The following TMEM132E variants were observed in gnomAD, a reference collection of about 807,000 sequenced individuals.
TMEM132E encodes transmembrane protein 132E.
TMEM132E carries 49 observed loss-of-function variants against 78.5 expected under a neutral mutation model. That is an observed-to-expected ratio of 0.62 (90% confidence interval 0.50 to 0.79). TMEM132E has a LOEUF of 0.79. Ranked by LOEUF, TMEM132E falls within the 30% of genes least tolerant of loss-of-function variation. The pLI, the probability that TMEM132E is intolerant of heterozygous loss-of-function variation, is 0.00. For missense variants in TMEM132E, 1,403 were observed against 1,470.9 expected (o/e 0.95, Z 0.75); for synonymous variants, 715 against 670.6 (o/e 1.07, Z -1.02).
In TMEM132E at chr17:34,637,936, A is replaced by T; in HGVS notation, c.2929A>T (p.Thr977Ser). 1.2e-6 allele frequency: 2 copies of T among 1,606,274 alleles called. No individual in the cohort carries two copies. Among genetic ancestry groups the T allele is most frequent in the Non-Finnish European group, 8.5e-7 (1 of 1,178,170 alleles). The change falls in exon 9 of 9, where the codon ACC (threonine) becomes TCC (serine). Residue 977 changes from threonine (T) to serine (S), a missense_variant. This residue lies in a region of TMEM132E where 888 missense variants were observed against 952.8 expected (regional missense o/e 0.93). Coordinates refer to ENST00000631683, the MANE Select transcript of TMEM132E (RefSeq NM_001304438.2). ...CCACCACAGCAGCGGCAGCTCGCAG[A>T]CCAGCGTCCAGAGCCAGGTGCACGG... The part of the protein sequence containing the change: ...GDHHSSGSSQ[T>S]SVQSQVHGRG...
At position 34,626,365 on chromosome 17, in the gene TMEM132E, G is replaced by T; in HGVS notation, c.306G>T (p.Val102=). ...TGGGGCCCTTCAGCACCAGCCAGGTGGTGGCGCGGGAGCTCCTGCAGCCGT... is the reference window on the plus strand; with the variant it reads ...TGGGGCCCTTCAGCACCAGCCAGGTTGTGGCGCGGGAGCTCCTGCAGCCGT... ...VSLGPFSTSQ[V]VARELLQPSS... The change falls in exon 2 of 9, where the codon GTG becomes GTT. Residue 102 remains valine, a synonymous_variant. Coordinates refer to ENST00000631683, the MANE Select transcript of TMEM132E (RefSeq NM_001304438.2). The T allele has an allele frequency of 1.2e-6, 2 of 1,613,350 alleles. No homozygotes were observed. Among genetic ancestry groups the T allele is most frequent in the South Asian group, 1.1e-5 (1 of 90,922 alleles).
chr17:34,628,925 GGT>G lies in TMEM132E; in HGVS notation c.1146-85_1146-84del, dbSNP rs1907250956. ...CCCCATCAGGCAGCTGCCGGGGAGGGGTGGGGTCCCCACTGAGAGTTTCTGAG... is the reference window on the plus strand; with the variant it reads ...CCCCATCAGGCAGCTGCCGGGGAGGGGGGGTCCCCACTGAGAGTTTCTGAG... On this transcript the variant is annotated intron_variant, in intron 3 of 8. Transcript: ENST00000631683. 2.0e-6 allele frequency: 3 copies of G among 1,468,484 alleles called. No homozygotes were observed. In the African/African-American group the frequency reaches 4.3e-5, roughly 21 times the overall value. The allele number at this position is 1,468,484 out of a possible 1,614,324, so 91.0% of individuals were successfully genotyped here.
At chr17:34,630,270 C>T in intron 5 of TMEM132E, 119 bp downstream of exon 5, 5 of 1,100,048 alleles carry the variant, frequency 4.5e-6, no homozygotes, top group Non-Finnish European at 6.4e-6. Flanking sequence ...GAACCCAGGC[C>T]TCCCTGTGCT....
rs568960810 is a variant in TMEM132E, at chr17:34,589,364, G to A, written c.67+8221G>A. Among the ~76,000 whole-genome samples, 14 of 152,320 alleles carry A rather than the reference G, an allele frequency of 9.2e-5. No homozygotes were observed. The South Asian group carries it at 2.9e-3, about 32-fold the overall frequency. ...GCCCTTGTAGTCACAGTGACTGGCAGGCTGAGGGAAATAGGGAGCTGTCAT... is the reference window on the plus strand; with the variant it reads ...GCCCTTGTAGTCACAGTGACTGGCAAGCTGAGGGAAATAGGGAGCTGTCAT... On this transcript the variant is annotated intron_variant, in intron 1 of 8. Transcript: ENST00000631683.
chr17:34,612,451 T>C (rs1255135566), intron 1 of TMEM132E, among the ~76,000 whole-genome samples: 2 of 152,100 alleles, frequency 1.3e-5, no homozygotes, highest in African/African-American at 4.8e-5. Context: ...GACCCAACTG[T>C]GGAGCCCCGG....
Position 34,637,314 on chromosome 17 carries a change from C to T in TMEM132E, c.2307C>T (p.Phe769=). 6.2e-7 allele frequency: 1 copy of T among 1,614,124 alleles called. No homozygotes were observed. The highest frequency in any genetic ancestry group is 8.5e-7 in the Non-Finnish European group (1 of 1,180,040). The change falls in exon 9 of 9, where the codon TTC becomes TTT. Residue 769 remains phenylalanine (F), a synonymous_variant. Coordinates refer to ENST00000631683, the MANE Select transcript of TMEM132E (RefSeq NM_001304438.2). Reference sequence around the variant, plus strand: ...CCACTGTGACCCAGGACCGGGCCTTCCCTCTGGTAGTGGCTGAGGCCGAGG... The same window carrying T: ...CCACTGTGACCCAGGACCGGGCCTTTCCTCTGGTAGTGGCTGAGGCCGAGG... ...HVATVTQDRA[F]PLVVAEAEGS...
chr17:34,638,075 C>G lies in TMEM132E; in HGVS notation c.3068C>G (p.Ser1023Ter). ...TTCACCACCTTCACCACGCTGCCGT[C>G]AGAGGAGCTGGCCTATGACTCGGTG... The part of the protein sequence containing the change: ...VKFTTFTTLP[S>*]EELAYDSVPA... Residue 1023 changes from serine (S) to a stop codon, truncating the protein, a stop_gained, in exon 9 of 9, where the codon TCA becomes TGA. Transcript: ENST00000631683. LOFTEE classifies it high-confidence loss of function. 1 of 1,587,030 alleles carries G rather than the reference C, an allele frequency of 6.3e-7. No individual in the cohort carries two copies. Among genetic ancestry groups the G allele is most frequent in the Non-Finnish European group, 8.6e-7 (1 of 1,166,684 alleles).
chr17:34,638,595 C>T lies in TMEM132E; in HGVS notation c.*363C>T. The T allele has an allele frequency of 4.5e-6, 1 of 224,512 alleles. No individual in the cohort carries two copies. 13.9% of individuals were successfully genotyped at this position (224,512 alleles called of 1,614,324 possible). Reference sequence around the variant, plus strand: ...GGTCAGGTGGGCCCACGCTGTGTCCCGGGCCCGCCTCCCGTCCCCCGTGTC... The same window carrying T: ...GGTCAGGTGGGCCCACGCTGTGTCCTGGGCCCGCCTCCCGTCCCCCGTGTC... On this transcript the variant is annotated 3_prime_UTR_variant, in exon 9 of 9. Transcript: ENST00000631683.
chr17:34,619,448 G>A lies in TMEM132E; in HGVS notation c.68-6679G>A, dbSNP rs141529947. ...GGCCTGTCCCCTGGAAATTCTCACT[G>A]TATAGGCACTAATCATGGCTCATGC... On this transcript the variant is annotated intron_variant, in intron 1 of 8. Transcript: ENST00000631683. 2.4e-3 allele frequency among the ~76,000 whole-genome samples: 339 copies of A among 139,454 alleles called. 5 individuals are homozygous for A. Among genetic ancestry groups the A allele is most frequent in the Non-Finnish European group, 4.0e-3 (259 of 64,994 alleles). 91.5% of individuals were successfully genotyped at this position (139,454 alleles called of 152,430 possible).
chr17:34,634,014 A>G (rs893104174), intron 6 of TMEM132E, among the ~76,000 whole-genome samples: 1 of 152,226 alleles, frequency 6.6e-6, no homozygotes, highest in African/African-American at 2.4e-5. Flanking sequence ...CACCTGCCTC[A>G]TAGGATTTTT....
chr17:34,628,461 C>T, intron 2 of TMEM132E, 102 bp from the exon 3 acceptor site: 4 of 1,365,256 alleles, frequency 2.9e-6, no homozygotes, highest in Admixed American at 2.8e-5. Context: ...CTTAGCTTAT[C>T]TGTTCCCCCT....
intron 1 of TMEM132E, among the ~76,000 whole-genome samples, chr17:34,611,786 G>T (rs1386283401): frequency 3.7e-4 from 57 of 152,162 alleles, no homozygotes; most frequent in Non-Finnish European, 1.5e-5. Context: ...TAAGTGTCTT[G>T]AATTCACGGT....
Position 34,592,118 on chromosome 17 carries a change from G to T in TMEM132E, c.67+10975G>T, listed in dbSNP as rs565667187. ...GTGGTTGGGTTTTTTGTTTTGCTTG[G>T]GATTTTTGTTTTTTAACCCTTGATG... On this transcript the variant is annotated intron_variant, in intron 1 of 8. Transcript: ENST00000631683. Among the ~76,000 whole-genome samples the T allele has an allele frequency of 8.5e-5, 13 of 152,278 alleles. No homozygotes were observed. The East Asian group carries it at 2.5e-3, about 29-fold the overall frequency.
At chr17:34,623,271 C>T (rs886241337) in intron 1 of TMEM132E, among the ~76,000 whole-genome samples, 4 of 152,296 alleles carry the variant, frequency 2.6e-5, no homozygotes, top group African/African-American at 7.2e-5. Context: ...CTGCCCCTGC[C>T]GTGCCTCCAA....
At position 34,624,330 on chromosome 17, in the gene TMEM132E, A is replaced by G. The variant is rs143010188; in HGVS notation, c.68-1797A>G. Among the ~76,000 whole-genome samples the G allele has an allele frequency of 4.1e-3, 618 of 152,342 alleles. 6 individuals carry two copies. The highest frequency in any genetic ancestry group is 0.014 in the African/African-American group (578 of 41,574). Reference sequence around the variant, plus strand: ...ACTGACTAGGAGTCTCCTCTTTGGGACATAGGTCTCTGCAGATCACTCAGT... The same window carrying G: ...ACTGACTAGGAGTCTCCTCTTTGGGGCATAGGTCTCTGCAGATCACTCAGT... On this transcript the variant is annotated intron_variant, in intron 1 of 8. Transcript: ENST00000631683.
intron 1 of TMEM132E, among the ~76,000 whole-genome samples, chr17:34,596,791 T>G (rs2338967): frequency 0.31 from 46,395 of 147,548 alleles, 8,377 homozygotes; most frequent in Admixed American, 0.42. Context: ...TTAAAAGTCT[T>G]CATCTTTTCT....
chr17:34,623,024 G>A (rs1484523909), intron 1 of TMEM132E, among the ~76,000 whole-genome samples: 1 of 152,140 alleles, frequency 6.6e-6, no homozygotes, highest in Non-Finnish European at 1.5e-5. Context: ...GAGAAACATT[G>A]AATATCAAGG....
At chr17:34,599,764 T>C (rs1195026171) in intron 1 of TMEM132E, among the ~76,000 whole-genome samples, 1 of 152,194 alleles carries the variant, frequency 6.6e-6, no homozygotes, top group Non-Finnish European at 1.5e-5. Context: ...GTGCTTCTAA[T>C]GGGAAATCAA....
chr17:34,608,421 G>A (rs191325540), intron 1 of TMEM132E, among the ~76,000 whole-genome samples: 1 of 152,322 alleles, frequency 6.6e-6, no homozygotes, highest in East Asian at 1.9e-4. Flanking sequence ...TTGGGAAGAC[G>A]GATGCATATT....
Sources: gnomAD v4.1 joint callset for allele counts (sites outside exome capture counted in the v4.1 genomes callset) on GRCh38, gnomAD v4.1.1 for gene constraint, gnomAD v4.1.1 regional missense constraint, MANE v1.5 for transcripts, NCBI Gene and HGNC (gene_info 2026-07-23, HGNC 2026-07-21) for gene names.